Variants in MARCHF1 observed in about 807,000 individuals in gnomAD.
The protein encoded by MARCHF1 is membrane associated ring-CH-type finger 1.
In MARCHF1, 40 loss-of-function variants were observed where a neutral mutation model predicts 54.2. The ratio of observed to expected loss-of-function variants is 0.74; its 90% confidence interval spans 0.57 to 0.96. The LOEUF is 0.96. Ranked by LOEUF, MARCHF1 falls within the 40% of genes least tolerant of loss-of-function variation. The pLI is 0.00. For synonymous variants in MARCHF1, 236 were observed against 236.3 expected, an observed-to-expected ratio of 1.00 and a Z score of 0.01; for missense variants, 586 against 656.5, an observed-to-expected ratio of 0.89 and a Z score of 1.17.
At chr4:163,781,314 C>T (rs1747460503) in intron 4 of MARCHF1, among the ~76,000 whole-genome samples, 1 of 152,130 alleles carries the variant, frequency 6.6e-6, no homozygotes, top group Non-Finnish European at 1.5e-5. Flanking sequence ...TCTGCCACTG[C>T]ACTCCAGCCT....
intron 4 of MARCHF1, among the ~76,000 whole-genome samples, chr4:163,713,674 T>A (rs553031440): frequency 6.6e-6 from 1 of 152,254 alleles, no homozygotes; most frequent in South Asian, 2.1e-4. Flanking sequence ...TGTAAAAAAA[T>A]TAGTTTCAGA....
intron 4 of MARCHF1, among the ~76,000 whole-genome samples, chr4:163,767,118 A>G (rs1747001556): frequency 6.7e-6 from 1 of 149,712 alleles, no homozygotes; most frequent in South Asian, 2.1e-4. Flanking sequence ...AAAAAAAAAA[A>G]AAGTCTTATC....
chr4:163,587,410 A>AT (rs1740445134), intron 7 of MARCHF1, among the ~76,000 whole-genome samples: 1 of 152,220 alleles, frequency 6.6e-6, no homozygotes, highest in Non-Finnish European at 1.5e-5. Context: ...AATGTGGCAC[A>AT]TTTACGCCAT....
At chr4:164,369,577 C>T (rs539162076) in intron 1 of MARCHF1, among the ~76,000 whole-genome samples, 17 of 151,314 alleles carry the variant, frequency 1.1e-4, no homozygotes, top group African/African-American at 3.6e-4. Flanking sequence ...AACCCTTCTT[C>T]GAAAAAAAAG....
chr4:163,662,786 T>C (rs1417305182), intron 5 of MARCHF1, among the ~76,000 whole-genome samples: 2 of 151,898 alleles, frequency 1.3e-5, no homozygotes, highest in Admixed American at 1.3e-4. Flanking sequence ...TTCTGTTTTG[T>C]CAGTTCACTG....
chr4:164,069,578 C>G (rs1754816436), intron 2 of MARCHF1, among the ~76,000 whole-genome samples: 1 of 152,242 alleles, frequency 6.6e-6, no homozygotes, highest in African/African-American at 2.4e-5. Context: ...CAGCTTCACT[C>G]CTGGGCCAGT....
At chr4:164,040,445 T>A (rs1343318633) in intron 2 of MARCHF1, among the ~76,000 whole-genome samples, 1 of 147,652 alleles carries the variant, frequency 6.8e-6, no homozygotes. Flanking sequence ...TATAGGTATA[T>A]CCTTGTATAT....
chr4:163,534,230 CTCTT>C (rs1738456876), intron 9 of MARCHF1, among the ~76,000 whole-genome samples: 1 of 152,090 alleles, frequency 6.6e-6, no homozygotes, highest in Non-Finnish European at 1.5e-5. Context: ...ACTACCAACA[CTCTT>C]TCCTGCTAAT....
chr4:163,888,191 T>C (rs1750580848), intron 3 of MARCHF1, among the ~76,000 whole-genome samples: 1 of 152,098 alleles, frequency 6.6e-6, no homozygotes, highest in Non-Finnish European at 1.5e-5. Flanking sequence ...TATAATAATT[T>C]AAAAAATTAT....
intron 3 of MARCHF1, among the ~76,000 whole-genome samples, chr4:163,887,873 G>T (rs10023694): frequency 0.25 from 37,334 of 152,008 alleles, 4,737 homozygotes; most frequent in South Asian, 0.31. Flanking sequence ...CTCTGGTCAA[G>T]TCAGTCTTCT....
At chr4:163,733,814 G>A (rs942059441) in intron 4 of MARCHF1, among the ~76,000 whole-genome samples, 1 of 152,084 alleles carries the variant, frequency 6.6e-6, no homozygotes, top group Non-Finnish European at 1.5e-5. Flanking sequence ...ACAATAATAA[G>A]CAACTGGCTT....
At chr4:163,866,919 G>A (rs926657524) in intron 3 of MARCHF1, among the ~76,000 whole-genome samples, 2 of 151,858 alleles carry the variant, frequency 1.3e-5, no homozygotes, top group African/African-American at 2.4e-5. Context: ...TCCCAACAAT[G>A]AGGTATCACA....
At chr4:163,581,499 C>A (rs1309094029) in intron 8 of MARCHF1, among the ~76,000 whole-genome samples, 1 of 152,090 alleles carries the variant, frequency 6.6e-6, no homozygotes, top group East Asian at 1.9e-4. Flanking sequence ...TTTTTCTCTT[C>A]AATTTTAAGG....
chr4:163,839,507 C>T (rs907842038), intron 4 of MARCHF1, among the ~76,000 whole-genome samples: 1 of 152,044 alleles, frequency 6.6e-6, no homozygotes, highest in African/African-American at 2.4e-5. Context: ...TGTATTCATA[C>T]AACGAAATAT....
intron 1 of MARCHF1, among the ~76,000 whole-genome samples, chr4:164,215,932 T>C (rs1296186586): frequency 6.6e-6 from 1 of 152,226 alleles, no homozygotes; most frequent in Non-Finnish European, 1.5e-5. Context: ...ATTGTTGAAA[T>C]GTAATCAGAA....
chr4:163,866,914 A>T (rs553592955), intron 3 of MARCHF1, among the ~76,000 whole-genome samples: 1 of 152,056 alleles, frequency 6.6e-6, no homozygotes, highest in African/African-American at 2.4e-5. Context: ...TACTCTCCCA[A>T]CAATGAGGTA....
chr4:164,253,672 T>C (rs891682564), intron 1 of MARCHF1, among the ~76,000 whole-genome samples: 6 of 152,144 alleles, frequency 3.9e-5, no homozygotes, highest in Non-Finnish European at 8.8e-5. Flanking sequence ...AGCATATACG[T>C]GGACATTGAT....
chr4:164,348,639 T>C (rs557606835), intron 1 of MARCHF1, among the ~76,000 whole-genome samples: 3 of 152,140 alleles, frequency 2.0e-5, no homozygotes, highest in African/African-American at 7.2e-5. Flanking sequence ...ATCAGTATCA[T>C]TTCTAAATAG....
intron 5 of MARCHF1, among the ~76,000 whole-genome samples, chr4:163,669,935 T>G (rs1743674115): frequency 6.6e-6 from 1 of 152,102 alleles, no homozygotes. Flanking sequence ...TGCCCACTAT[T>G]TTCTCACCAT....
Sources: allele counts gnomAD v4.1 joint callset (sites outside exome capture counted in the v4.1 genomes callset), GRCh38; gene constraint gnomAD v4.1.1; transcripts MANE v1.5; gene names NCBI Gene and HGNC (gene_info 2026-07-23, HGNC 2026-07-21).